The following GADD45A variants were observed in gnomAD, a reference collection of about 807,000 sequenced individuals.
GADD45A encodes growth arrest and DNA damage inducible alpha.
In GADD45A, 9 loss-of-function variants were observed where a neutral mutation model predicts 17.7. The observed-to-expected ratio is 0.51, with a 90% CI of 0.31 to 0.89. The LOEUF (loss-of-function observed/expected upper bound fraction) is 0.89. Among genes scored for constraint, GADD45A ranks in the 40% least tolerant of loss-of-function variants. GADD45A has a pLI of 0.05. For synonymous variants in GADD45A, 95 were observed against 92.2 expected, an observed-to-expected ratio of 1.03 and a Z score of -0.17; for missense variants, 149 against 220.6, an observed-to-expected ratio of 0.68 and a Z score of 2.06.
chr1:67,685,745 C>G (rs1421160276), intron 1 of GADD45A: 5 of 623,280 alleles, frequency 8.0e-6, no homozygotes, highest in Non-Finnish European at 1.4e-5. Flanking sequence ...CCGCCGGGGC[C>G]TTTGCAAAGG....
At position 67,687,988 on chromosome 1, in the gene GADD45A, C is replaced by A; in HGVS notation, c.*214C>A. The A allele has an allele frequency of 4.4e-6, 2 of 455,480 alleles. No homozygotes were observed. The highest frequency in any genetic ancestry group is 7.8e-6 in the Non-Finnish European group (2 of 255,976). The allele number at this position is 455,480 out of a possible 1,614,324, so 28.2% of individuals were successfully genotyped here. ...AATGAAGAAGGAAGCTGTGTTGAAA[C>A]AGAAAAATAAGTCAAAAGGAACAAA... is the stretch of plus-strand genomic sequence containing the variant. On this transcript the variant is annotated 3_prime_UTR_variant, in exon 4 of 4. Transcript: ENST00000370986.
rs773046318 is a variant in GADD45A, at chr1:67,685,465, T to G, written c.-30T>G. The G allele has an allele frequency of 2.5e-6, 4 of 1,597,704 alleles. No individual in the cohort carries two copies. Among genetic ancestry groups the G allele is most frequent in the South Asian group, 1.1e-5 (1 of 88,954 alleles). On this transcript the variant is annotated 5_prime_UTR_variant, in exon 1 of 4. Transcript: ENST00000370986. ...GGCAGGAGCAGCCCGCACGCCGCGC[T>G]CTCTCCCTGGGCGACCTGCAGTTTG...
rs1356217945 is a variant in GADD45A, at chr1:67,687,911, A to G, written c.*137A>G. The G allele has an allele frequency of 7.0e-6, 4 of 574,614 alleles. No homozygotes were observed. Among genetic ancestry groups the G allele is most frequent in the African/African-American group, 3.7e-5 (2 of 54,236 alleles). The allele number at this position is 574,614 out of a possible 1,614,324, so 35.6% of individuals were successfully genotyped here. On this transcript the variant is annotated 3_prime_UTR_variant, in exon 4 of 4. Coordinates refer to ENST00000370986, the MANE Select transcript of GADD45A (RefSeq NM_001924.4). Reference sequence around the variant, plus strand: ...GCCAAGGGGCTGAGTGAGTTCAACTACATGTTCTGGGGGCCCGGAGATAGA... The same window carrying G: ...GCCAAGGGGCTGAGTGAGTTCAACTGCATGTTCTGGGGGCCCGGAGATAGA...
chr1:67,685,410 G>A lies in GADD45A; in HGVS notation c.-85G>A. 7.5e-7 allele frequency: 1 copy of A among 1,341,390 alleles called. No homozygotes were observed. Among genetic ancestry groups the A allele is most frequent in the Non-Finnish European group, 1.0e-6 (1 of 958,486 alleles). 83.1% of individuals were successfully genotyped at this position (1,341,390 alleles called of 1,614,324 possible). On this transcript the variant is annotated 5_prime_UTR_variant, in exon 1 of 4. Transcript: ENST00000370986. ...GCCGGAGCGGCGCCTGTGAGTGAGTGCAGAAAGCAGGCGCCCGCGCGCTAG... is the reference window on the plus strand; with the variant it reads ...GCCGGAGCGGCGCCTGTGAGTGAGTACAGAAAGCAGGCGCCCGCGCGCTAG...
In GADD45A at chr1:67,686,590, A is replaced by G; in HGVS notation, c.384+3A>G. On this transcript the variant is annotated splice_donor_region_variant and intron_variant, in intron 3 of 3. Transcript: ENST00000370986. The stretch of plus-strand genomic sequence containing the variant: ...ACCTGCACTGCGTGCTGGTGACGGT[A>G]AGGGACTGGGGGACTGCAGCCTGCA... 2 of 1,608,998 alleles carry G rather than the reference A, an allele frequency of 1.2e-6. No individual in the cohort carries two copies. Among genetic ancestry groups the G allele is most frequent in the South Asian group, 1.1e-5 (1 of 90,746 alleles).
intron 1 of GADD45A, 195 bp downstream of exon 1, chr1:67,685,733 C>A (rs1474584784): frequency 3.1e-6 from 2 of 636,004 alleles, no homozygotes; most frequent in African/African-American, 3.8e-5. Context: ...CCCGAACGAG[C>A]CCCGCCGGGG....
Position 67,686,058 on chromosome 1 carries a change from G to C in GADD45A, c.78G>C (p.Val26=). The C allele has an allele frequency of 6.2e-7, 1 of 1,608,506 alleles. No individual in the cohort carries two copies. Among genetic ancestry groups the C allele is most frequent in the African/African-American group, 1.3e-5 (1 of 74,102 alleles). The change falls in exon 2 of 4, where the codon GTG becomes GTC. Residue 26 remains valine, a synonymous_variant. Transcript: ENST00000370986. ...MDKVGDALEE[V]LSKALSQRTI... is the part of the protein sequence containing the mutation. ...AGGTGGGGGATGCCCTGGAGGAAGTGCTCAGCAAAGCCCTGAGTCAGCGCA... is the reference window on the plus strand; with the variant it reads ...AGGTGGGGGATGCCCTGGAGGAAGTCCTCAGCAAAGCCCTGAGTCAGCGCA...
chr1:67,686,560 C>G lies in GADD45A; in HGVS notation c.357C>G (p.Pro119=). 1 of 1,611,718 alleles carries G rather than the reference C, an allele frequency of 6.2e-7. No homozygotes were observed. Among genetic ancestry groups the G allele is most frequent in the Non-Finnish European group, 8.5e-7 (1 of 1,178,972 alleles). ...GPAASEGAEQ[P]PDLHCVLVTN... ...CGGCGAGCGAGGGCGCCGAGCAGCC[C>G]CCGGACCTGCACTGCGTGCTGGTGA... The change falls in exon 3 of 4, where the codon CCC becomes CCG. Residue 119 remains proline (P), a synonymous_variant. Coordinates refer to ENST00000370986, the MANE Select transcript of GADD45A (RefSeq NM_001924.4).
intron 1 of GADD45A, 32 bp downstream of exon 1, chr1:67,685,570 A>G: frequency 6.3e-7 from 1 of 1,588,938 alleles, no homozygotes; most frequent in Non-Finnish European, 8.6e-7. Context: ...TCCGGCCCGA[A>G]CTTCTCTTAC....
chr1:67,686,363 G>T lies in GADD45A; in HGVS notation c.160G>T (p.Val54Leu). ...AKLLNVDPDNVVLCLLAADED... is the reference protein window; with the variant it reads ...AKLLNVDPDNLVLCLLAADED... Reference sequence around the variant, plus strand: ...CGCTGCCCCCAGCGACCCCGATAACGTGGTGTTGTGCCTGCTGGCGGCGGA... The same window carrying T: ...CGCTGCCCCCAGCGACCCCGATAACTTGGTGTTGTGCCTGCTGGCGGCGGA... The change falls in exon 3 of 4, where the codon GTG becomes TTG. Residue 54 changes from valine (V) to leucine (L), a missense_variant. Coordinates refer to ENST00000370986, the MANE Select transcript of GADD45A (RefSeq NM_001924.4). 4.3e-6 allele frequency: 7 copies of T among 1,612,916 alleles called. No individual in the cohort carries two copies. Among genetic ancestry groups the T allele is most frequent in the Non-Finnish European group, 5.9e-6 (7 of 1,179,480 alleles).
Position 67,685,263 on chromosome 1 carries a change from G to A in GADD45A, c.-232G>A. Reference sequence around the variant, plus strand: ...ATTAGTGTCGTGCGGCCCGTGGCGAGGCGAGGTCCGGGGAGCGAGCGAGCA... The same window carrying A: ...ATTAGTGTCGTGCGGCCCGTGGCGAAGCGAGGTCCGGGGAGCGAGCGAGCA... On this transcript the variant is annotated 5_prime_UTR_variant, in exon 1 of 4. Coordinates refer to ENST00000370986, the MANE Select transcript of GADD45A (RefSeq NM_001924.4). 1 of 507,966 alleles carries A rather than the reference G, an allele frequency of 2.0e-6. No homozygotes were observed. Among genetic ancestry groups the A allele is most frequent in the Non-Finnish European group, 3.4e-6 (1 of 290,508 alleles). The allele number at this position is 507,966 out of a possible 1,614,324, so 31.5% of individuals were successfully genotyped here. A position where few individuals can be genotyped will look rare whatever the true frequency, so the allele number is the denominator to read the frequency against.
chr1:67,686,722 T>A, intron 3 of GADD45A, 135 bp downstream of exon 3: 1 of 693,022 alleles, frequency 1.4e-6, no homozygotes, highest in African/African-American at 1.8e-5. Context: ...AGAGTGTGGC[T>A]GGACTTTCAG....
intron 3 of GADD45A, among the ~76,000 whole-genome samples, chr1:67,687,322 A>T (rs1231283558): frequency 6.6e-6 from 1 of 152,202 alleles, no homozygotes; most frequent in East Asian, 1.9e-4. Flanking sequence ...AATCTTTCTC[A>T]AAACTGTTTC....
In GADD45A at chr1:67,685,237, A is replaced by G. The variant is rs1302522290; in HGVS notation, c.-258A>G. On this transcript the variant is annotated 5_prime_UTR_variant, in exon 1 of 4. Transcript: ENST00000370986. ...GGCAGTGGCTGGGAGGCAGCGGCCCAATTAGTGTCGTGCGGCCCGTGGCGA... is the reference window on the plus strand; with the variant it reads ...GGCAGTGGCTGGGAGGCAGCGGCCCGATTAGTGTCGTGCGGCCCGTGGCGA... 8 of 492,796 alleles carry G rather than the reference A, an allele frequency of 1.6e-5. No individual in the cohort carries two copies. The highest frequency in any genetic ancestry group is 1.1e-4 in the South Asian group (4 of 37,880). The allele number at this position is 492,796 out of a possible 1,614,324, so 30.5% of individuals were successfully genotyped here. A position where few individuals can be genotyped will look rare whatever the true frequency, so the allele number is the denominator to read the frequency against.
intron 1 of GADD45A, 73 bp from the exon 2 acceptor site, chr1:67,685,952 C>T (rs760598370): frequency 2.7e-5 from 26 of 968,062 alleles, no homozygotes; most frequent in Non-Finnish European, 3.9e-5. Context: ...GGGCGTGGTA[C>T]CGGACGAGGG....
chr1:67,685,989 G>T (rs575967566), intron 1 of GADD45A, 36 bp from the exon 2 acceptor site: 5 of 1,468,288 alleles, frequency 3.4e-6, no homozygotes, highest in Admixed American at 1.9e-5. Context: ...GAGGGCACCG[G>T]GGCTGACGGG....
intron 3 of GADD45A, 91 bp downstream of exon 3, chr1:67,686,678 TG>T: frequency 8.4e-7 from 1 of 1,189,246 alleles, no homozygotes; most frequent in Non-Finnish European, 1.2e-6. Context: ...CTGTGGTAGG[TG>T]GGGGTCAGGA....
At position 67,685,213 on chromosome 1, in the gene GADD45A, G is replaced by T. The variant is rs1646123032; in HGVS notation, c.-282G>T. 1 of 459,368 alleles carries T rather than the reference G, an allele frequency of 2.2e-6. No individual in the cohort carries two copies. Among genetic ancestry groups the T allele is most frequent in the Non-Finnish European group, 3.8e-6 (1 of 260,022 alleles). The allele number at this position is 459,368 out of a possible 1,614,324, so 28.5% of individuals were successfully genotyped here. On this transcript the variant is annotated 5_prime_UTR_variant, in exon 1 of 4. Coordinates refer to ENST00000370986, the MANE Select transcript of GADD45A (RefSeq NM_001924.4). ...CCCTTTGTCCTCCAGTGGCTGGTAGGCAGTGGCTGGGAGGCAGCGGCCCAA... is the reference window on the plus strand; with the variant it reads ...CCCTTTGTCCTCCAGTGGCTGGTAGTCAGTGGCTGGGAGGCAGCGGCCCAA...
chr1:67,686,332 C>T lies in GADD45A; in HGVS notation c.147-18C>T. 6.2e-7 allele frequency: 1 copy of T among 1,606,784 alleles called. No individual in the cohort carries two copies. The highest frequency in any genetic ancestry group is 8.5e-7 in the Non-Finnish European group (1 of 1,175,646). On this transcript the variant is annotated intron_variant, in intron 2 of 3. Coordinates refer to ENST00000370986, the MANE Select transcript of GADD45A (RefSeq NM_001924.4). Reference sequence around the variant, plus strand: ...CGCCCGCGCTTCTGCGCTCACTGGCCCCGCCCGCTGCCCCCAGCGACCCCG... The same window carrying T: ...CGCCCGCGCTTCTGCGCTCACTGGCTCCGCCCGCTGCCCCCAGCGACCCCG...
Sources: gnomAD v4.1 joint callset for allele counts (sites outside exome capture counted in the v4.1 genomes callset) on GRCh38, gnomAD v4.1.1 for gene constraint, MANE v1.5 for transcripts, NCBI Gene and HGNC (gene_info 2026-07-23, HGNC 2026-07-21) for gene names.